The following RAET1E variants were observed in gnomAD, a reference collection of about 807,000 sequenced individuals.
RAET1E encodes NKG2D ligand 4.
A neutral mutation model predicts 21.1 loss-of-function variants in RAET1E; 27 were observed. That is an observed-to-expected ratio of 1.28 (90% CI 0.94 to 1.76). The LOEUF is 1.76. RAET1E is among the 40% of genes most tolerant of loss of function. The probability of loss-of-function intolerance (pLI) is 0.00; values close to 1 mark genes in which losing one functional copy is unlikely to be tolerated. For missense variants in RAET1E, 310 were observed against 311.3 expected, an observed-to-expected ratio of 1.00 and a Z score of 0.03; for synonymous variants, 113 against 115.0, an observed-to-expected ratio of 0.98 and a Z score of 0.11.
chr6:149,889,873 T>C lies in RAET1E; in HGVS notation c.346+12A>G, dbSNP rs1381483545. On this transcript the variant is annotated intron_variant, in intron 4 of 5. Coordinates refer to ENST00000357183, the MANE Select transcript of RAET1E (RefSeq NM_001394057.1). ...TGCCTGCCTCTGTTTGCCCACCCCATTCCACACTTACCACTGGTCTTTATC... is the reference window on the plus strand; with the variant it reads ...TGCCTGCCTCTGTTTGCCCACCCCACTCCACACTTACCACTGGTCTTTATC... The C allele has an allele frequency of 1.2e-6, 2 of 1,611,302 alleles. No homozygotes were observed. The highest frequency in any genetic ancestry group is 4.5e-5 in the East Asian group (2 of 44,810).
At chr6:149,896,521 C>T (rs80328924) in intron 1 of RAET1E, among the ~76,000 whole-genome samples, 1,904 of 152,222 alleles carry the variant, frequency 0.013, 46 homozygotes, top group African/African-American at 0.043. Flanking sequence ...TGAGTGGAGC[C>T]TGTTCTGTAC....
At chr6:149,890,592 G>T (rs76366104) in intron 3 of RAET1E, among the ~76,000 whole-genome samples, 14 of 152,132 alleles carry the variant, frequency 9.2e-5, no homozygotes, top group Admixed American at 7.9e-4. Context: ...TAGAAGGCGG[G>T]GGGTAGCATT....
In RAET1E at chr6:149,887,396, T is replaced by G. The variant is rs1375480158; in HGVS notation, c.*1102A>C. Among the ~76,000 whole-genome samples, 1 of 152,082 alleles carries G rather than the reference T, an allele frequency of 6.6e-6. No individual in the cohort carries two copies. Among genetic ancestry groups the G allele is most frequent in the African/African-American group, 2.4e-5 (1 of 41,424 alleles). ...TGGGACCCCTTCCTATCTCAGCATA[T>G]TCACTCCCTGGGTTCCTGCTGCCAT... is the stretch of plus-strand genomic sequence containing the variant. On this transcript the variant is annotated 3_prime_UTR_variant, in exon 6 of 6. Transcript: ENST00000357183.
In RAET1E at chr6:149,889,878, C is replaced by A; in HGVS notation, c.346+7G>T. The A allele has an allele frequency of 6.2e-7, 1 of 1,612,432 alleles. No homozygotes were observed. The highest frequency in any genetic ancestry group is 1.1e-5 in the South Asian group (1 of 90,978). On this transcript the variant is annotated splice_region_variant and intron_variant, in intron 4 of 5. Transcript: ENST00000357183. Reference sequence around the variant, plus strand: ...GCCTCTGTTTGCCCACCCCATTCCACACTTACCACTGGTCTTTATCTGGGG... The same window carrying A: ...GCCTCTGTTTGCCCACCCCATTCCAAACTTACCACTGGTCTTTATCTGGGG...
At chr6:149,889,103 T>C (rs1777756578) in intron 5 of RAET1E, 1 of 1,418,992 alleles carries the variant, frequency 7.0e-7, no homozygotes, top group South Asian at 1.6e-5. Context: ...CATTTAGCAG[T>C]GGGTCATTGT....
Position 149,884,496 on chromosome 6 carries a change from A to G in RAET1E, c.*4002T>C, listed in dbSNP as rs781534831. Reference sequence around the variant, plus strand: ...CCGCCGTGGTATCACCTCTAGGTGGATCTTCTGCCTTTAGGAAGGAGACAA... The same window carrying G: ...CCGCCGTGGTATCACCTCTAGGTGGGTCTTCTGCCTTTAGGAAGGAGACAA... On this transcript the variant is annotated 3_prime_UTR_variant, in exon 6 of 6. Transcript: ENST00000357183. 24 of 1,535,892 alleles carry G rather than the reference A, an allele frequency of 1.6e-5. No individual in the cohort carries two copies. Among genetic ancestry groups the G allele is most frequent in the Non-Finnish European group, 2.6e-6 (3 of 1,146,864 alleles).
intron 2 of RAET1E, among the ~76,000 whole-genome samples, chr6:149,891,502 G>T (rs1296142190): frequency 6.6e-6 from 1 of 152,096 alleles, no homozygotes; most frequent in Non-Finnish European, 1.5e-5. Flanking sequence ...GTGTGTGTGT[G>T]TGTAATTGTA....
rs1777873006 is a variant in RAET1E, at chr6:149,891,049, T to A, written c.-133-15A>T. 48 of 563,034 alleles carry A rather than the reference T, an allele frequency of 8.5e-5. No homozygotes were observed. In the South Asian group the frequency reaches 1.1e-3, roughly 13 times the overall value. The allele number at this position is 563,034 out of a possible 1,614,324, so 34.9% of individuals were successfully genotyped here. A position where few individuals can be genotyped will look rare whatever the true frequency, so the allele number is the denominator to read the frequency against. ...TGAGGTCAGGCCTGTAGAGACCCAA[T>A]TAAAGAACAATTTTGTGAAGAGAGT... On this transcript the variant is annotated splice_polypyrimidine_tract_variant and intron_variant, in intron 2 of 5. Coordinates refer to ENST00000357183, the MANE Select transcript of RAET1E (RefSeq NM_001394057.1).
Position 149,884,588 on chromosome 6 carries a change from TC to T in RAET1E, c.*3909del. The T allele has an allele frequency of 8.5e-7, 1 of 1,179,464 alleles. No homozygotes were observed. The highest frequency in any genetic ancestry group is 1.2e-6 in the Non-Finnish European group (1 of 823,516). 73.1% of individuals were successfully genotyped at this position (1,179,464 alleles called of 1,614,324 possible). On this transcript the variant is annotated 3_prime_UTR_variant, in exon 6 of 6. Transcript: ENST00000357183. The stretch of plus-strand genomic sequence containing the variant: ...CCTCCGTGATCTCTCAGGACTCAGA[TC>T]CCACCTCTCTCTCAGGGAGAGATCA...
intron 2 of RAET1E, among the ~76,000 whole-genome samples, chr6:149,892,046 A>G (rs1281581287): frequency 2.0e-5 from 3 of 152,208 alleles, no homozygotes. Flanking sequence ...CGTCCCTGCA[A>G]AGGGCATAAA....
chr6:149,891,050 T>G lies in RAET1E; in HGVS notation c.-133-16A>C. The G allele has an allele frequency of 1.8e-6, 1 of 558,872 alleles. No individual in the cohort carries two copies. Among genetic ancestry groups the G allele is most frequent in the East Asian group, 3.0e-5 (1 of 33,660 alleles). The allele number at this position is 558,872 out of a possible 1,614,324, so 34.6% of individuals were successfully genotyped here. On this transcript the variant is annotated splice_polypyrimidine_tract_variant and intron_variant, in intron 2 of 5. Transcript: ENST00000357183. ...GAGGTCAGGCCTGTAGAGACCCAAT[T>G]AAAGAACAATTTTGTGAAGAGAGTG...
intron 2 of RAET1E, among the ~76,000 whole-genome samples, chr6:149,893,670 T>C (rs9371223): frequency 0.41 from 62,637 of 151,960 alleles, 13,777 homozygotes; most frequent in East Asian, 0.88. Flanking sequence ...GACTTCCTCT[T>C]CTCTTGTTTG....
chr6:149,888,251 A>G lies in RAET1E; in HGVS notation c.*247T>C. 1.4e-6 allele frequency: 1 copy of G among 704,850 alleles called. No individual in the cohort carries two copies. Among genetic ancestry groups the G allele is most frequent in the South Asian group, 1.4e-5 (1 of 69,302 alleles). 43.7% of individuals were successfully genotyped at this position (704,850 alleles called of 1,614,324 possible). On this transcript the variant is annotated 3_prime_UTR_variant, in exon 6 of 6. Transcript: ENST00000357183. Reference sequence around the variant, plus strand: ...AACAAACTTTCCGTCAAAGAGCTGGATGAAACCTGGGCCGGATGGCAAGGA... The same window carrying G: ...AACAAACTTTCCGTCAAAGAGCTGGGTGAAACCTGGGCCGGATGGCAAGGA...
rs1451410247 is a variant in RAET1E at position 149,886,976 on chromosome 6, AT to A, written c.*1521del. Among the ~76,000 whole-genome samples the A allele has an allele frequency of 6.6e-6, 1 of 151,866 alleles. No homozygotes were observed. The highest frequency in any genetic ancestry group is 1.5e-5 in the Non-Finnish European group (1 of 67,950). On this transcript the variant is annotated 3_prime_UTR_variant, in exon 6 of 6. Coordinates refer to ENST00000357183, the MANE Select transcript of RAET1E (RefSeq NM_001394057.1). ...GCCCTCCCCAAAGGGTGGCAGATAT[AT>A]TTTTTTCCCCTTGAATTGTAATACA...
At position 149,883,262 on chromosome 6, in the gene RAET1E, G is replaced by A. The variant is rs1474883906; in HGVS notation, c.*5236C>T. On this transcript the variant is annotated 3_prime_UTR_variant, in exon 6 of 6. Transcript: ENST00000357183. Reference sequence around the variant, plus strand: ...GAATTTACAACCATATCATCACTGAGAATGGAGGAGAAAAAGAAAGATTTC... The same window carrying A: ...GAATTTACAACCATATCATCACTGAAAATGGAGGAGAAAAAGAAAGATTTC... The A allele has an allele frequency of 1.3e-5, 2 of 151,734 alleles. No homozygotes were observed. The highest frequency in any genetic ancestry group is 2.9e-5 in the Non-Finnish European group (2 of 67,974). The allele number at this position is 151,734 out of a possible 1,614,324, so 9.4% of individuals were successfully genotyped here.
rs1777713830 is a variant in RAET1E, at chr6:149,888,575, T to C, written c.715A>G (p.Met239Val). 1 of 1,610,932 alleles carries C rather than the reference T, an allele frequency of 6.2e-7. No homozygotes were observed. Among genetic ancestry groups the C allele is most frequent in the African/African-American group, 1.4e-5 (1 of 73,784 alleles). ...ILGAFILLVL[M>V]GIVLICVWWQ... ...CAGACACAGATGAGAACAATTCCCA[T>C]TAAAACTAACAGGATGAATGCCCCC... The change falls in exon 6 of 6, where the codon ATG becomes GTG. Residue 239 changes from methionine (M) to valine (V), a missense_variant. Physicochemically the swap from Met to Val is conservative, Grantham distance 21. Coordinates refer to ENST00000357183, the MANE Select transcript of RAET1E (RefSeq NM_001394057.1).
rs748642354 is a variant in RAET1E at position 149,888,513 on chromosome 6, G to A, written c.777C>T (p.Pro259=). Residue 259 remains proline, a synonymous_variant, in exon 6 of 6, where the codon CCC becomes CCT. Transcript: ENST00000357183. ...QNGEWQAGLW[P]LRTS is the part of the protein sequence containing the mutation. ...CCTTACCAGACTAAGACGTCCTCAA[G>A]GGCCAGAGACCAGCCTGCCACTCAC... 3 of 1,612,810 alleles carry A rather than the reference G, an allele frequency of 1.9e-6. No individual in the cohort carries two copies. The highest frequency in any genetic ancestry group is 2.5e-6 in the Non-Finnish European group (3 of 1,179,734).
At position 149,888,457 on chromosome 6, in the gene RAET1E, G is replaced by A. The variant is rs756346417; in HGVS notation, c.*41C>T. ...GAGATGGATCAGGGAGCGGGGGCTTGGATGAGACCCATGATTCACCTCTCT... is the reference window on the plus strand; with the variant it reads ...GAGATGGATCAGGGAGCGGGGGCTTAGATGAGACCCATGATTCACCTCTCT... On this transcript the variant is annotated 3_prime_UTR_variant, in exon 6 of 6. Transcript: ENST00000357183. The A allele has an allele frequency of 4.4e-6, 7 of 1,600,246 alleles. No individual in the cohort carries two copies. The highest frequency in any genetic ancestry group is 1.7e-5 in the Admixed American group (1 of 57,626).
rs564020833 is a variant in RAET1E at position 149,885,781 on chromosome 6, C to T, written c.*2717G>A. 16 of 152,330 alleles carry T rather than the reference C, an allele frequency of 1.1e-4. No homozygotes were observed. Among genetic ancestry groups the T allele is most frequent in the African/African-American group, 2.2e-4 (9 of 41,558 alleles). 9.4% of individuals were successfully genotyped at this position (152,330 alleles called of 1,614,324 possible). On this transcript the variant is annotated 3_prime_UTR_variant, in exon 6 of 6. Coordinates refer to ENST00000357183, the MANE Select transcript of RAET1E (RefSeq NM_001394057.1). ...ATACCCAGGAGATGACCCTTACCTCCGCTGCCACTCAAGTCCTCACATGTC... is the reference window on the plus strand; with the variant it reads ...ATACCCAGGAGATGACCCTTACCTCTGCTGCCACTCAAGTCCTCACATGTC...
Sources: allele counts gnomAD v4.1 joint callset (sites outside exome capture counted in the v4.1 genomes callset), GRCh38; gene constraint gnomAD v4.1.1; transcripts MANE v1.5; gene names NCBI Gene and HGNC (gene_info 2026-07-23, HGNC 2026-07-21).